Variants in NNT observed in about 807,000 individuals in gnomAD.
NNT encodes the protein NAD(P) transhydrogenase, mitochondrial.
In NNT, 50 loss-of-function variants were observed where a neutral mutation model predicts 104.8. The observed-to-expected ratio is 0.48, with a 90% confidence interval of 0.38 to 0.60. The LOEUF (loss-of-function observed/expected upper bound fraction) is 0.60. Ranked by LOEUF, NNT falls within the 20% of genes least tolerant of loss-of-function variation. NNT has a pLI of 0.00. For synonymous variants in NNT, 461 were observed against 490.4 expected, an observed-to-expected ratio of 0.94 and a Z score of 0.79; for missense variants, 1,131 against 1,330.7, an observed-to-expected ratio of 0.85 and a Z score of 2.33.
rs776843409 is a variant in NNT, at chr5:43,628,196, C to G, written c.777-4C>G. 2 of 1,603,682 alleles carry G rather than the reference C, an allele frequency of 1.2e-6. No individual in the cohort carries two copies. ...TACTCTTTCCACTTTAACAATCACC[C>G]TAGAGCTGCAGCTTTGGAACAGTTC... is the stretch of plus-strand genomic sequence containing the variant. On this transcript the variant is annotated splice_polypyrimidine_tract_variant and splice_region_variant and intron_variant, in intron 6 of 21. Coordinates refer to ENST00000344920, the MANE Select transcript of NNT (RefSeq NM_182977.3).
At position 43,704,467 on chromosome 5, in the gene NNT, A is replaced by C. The variant is rs1288920472; in HGVS notation, c.*63A>C. On this transcript the variant is annotated 3_prime_UTR_variant, in exon 22 of 22. Transcript: ENST00000344920. ...CTGCAGTTTTGGGAACAGGCAAATA[A>C]AGTATCAGTATACATGGTGATGTAC... The C allele has an allele frequency of 1.9e-6, 3 of 1,542,956 alleles. No homozygotes were observed. The African/African-American group carries it at 4.1e-5, about 21-fold the overall frequency.
chr5:43,603,803 G>A (rs1207731077), intron 1 of NNT, among the ~76,000 whole-genome samples: 3 of 152,078 alleles, frequency 2.0e-5, no homozygotes, highest in African/African-American at 7.2e-5. Flanking sequence ...AGGGTGTCCG[G>A]CTGGGGACAT....
rs61079918 is a variant in NNT, at chr5:43,694,738, TTGTGTGTGTG to T, written c.2877-5347_2877-5338del. Among the ~76,000 whole-genome samples, 70 of 137,908 alleles carry T rather than the reference TTGTGTGTGTG, an allele frequency of 5.1e-4. 1 individual carries two copies. The highest frequency in any genetic ancestry group is 7.1e-3 in the Middle Eastern group (2 of 280). The allele number at this position is 137,908 out of a possible 152,430, so 90.5% of individuals were successfully genotyped here. A position where few individuals can be genotyped will look rare whatever the true frequency, so the allele number is the denominator to read the frequency against. ...TTCATCAAGGATATTGGCCTAAAGT[TTGTGTGTGTG>T]TGTGTGTGTGTGTGTGTGTGTGTGT... On this transcript the variant is annotated intron_variant, in intron 19 of 21. Transcript: ENST00000344920.
Position 43,649,190 on chromosome 5 carries a change from A to G in NNT, c.1488A>G (p.Leu496=). The G allele has an allele frequency of 6.2e-7, 1 of 1,614,178 alleles. No individual in the cohort carries two copies. The highest frequency in any genetic ancestry group is 8.5e-7 in the Non-Finnish European group (1 of 1,180,024). Residue 496 remains leucine, a synonymous_variant, in exon 11 of 22, where the codon CTA becomes CTG. Coordinates refer to ENST00000344920, the MANE Select transcript of NNT (RefSeq NM_182977.3). ...GTTTGGGCATTGCGGCTCCCAATCT[A>G]GCCTTTTCTCAGATGGTGACCACTT... is the stretch of plus-strand genomic sequence containing the variant. ...ILGLGIAAPN[L]AFSQMVTTFG...
intron 17 of NNT, among the ~76,000 whole-genome samples, chr5:43,672,267 G>A (rs1420141614): frequency 6.6e-6 from 1 of 152,200 alleles, no homozygotes; most frequent in Non-Finnish European, 1.5e-5. Flanking sequence ...ATCGTCTGAA[G>A]CCTTCTTCTC....
At chr5:43,657,333 C>T (rs995040764) in intron 16 of NNT, among the ~76,000 whole-genome samples, 1 of 152,154 alleles carries the variant, frequency 6.6e-6, no homozygotes, top group South Asian at 2.1e-4. Flanking sequence ...TGGCTTTCTT[C>T]TTTCTCTGCA....
At chr5:43,662,245 TTAGTTA>T (rs1251790140) in intron 17 of NNT, among the ~76,000 whole-genome samples, 1 of 152,230 alleles carries the variant, frequency 6.6e-6, no homozygotes, top group Non-Finnish European at 1.5e-5. Flanking sequence ...TTTATTATTA[TTAGTTA>T]TAGCAACCAT....
intron 19 of NNT, among the ~76,000 whole-genome samples, chr5:43,680,118 C>T (rs13173498): frequency 0.034 from 5,131 of 151,920 alleles, 133 homozygotes; most frequent in East Asian, 0.12. Context: ...ATTATGACAG[C>T]AGATCATCAT....
intron 17 of NNT, among the ~76,000 whole-genome samples, chr5:43,671,930 G>A (rs1284062400): frequency 2.0e-5 from 3 of 152,134 alleles, no homozygotes; most frequent in Non-Finnish European, 2.9e-5. Flanking sequence ...CCAATGAGAC[G>A]TAGATTTGGT....
At chr5:43,628,866 C>T (rs931870464) in intron 7 of NNT, among the ~76,000 whole-genome samples, 3 of 152,004 alleles carry the variant, frequency 2.0e-5, no homozygotes, top group Non-Finnish European at 2.9e-5. Context: ...GGATTACAGG[C>T]GTGAGTTACC....
intron 7 of NNT, among the ~76,000 whole-genome samples, chr5:43,629,600 A>G (rs529230273): frequency 6.6e-6 from 1 of 152,330 alleles, no homozygotes; most frequent in Admixed American, 6.5e-5. Context: ...CTAGCAGTGT[A>G]AAAGTGTTCC....
chr5:43,637,247 A>G (rs1750978270), intron 7 of NNT, among the ~76,000 whole-genome samples: 1 of 152,164 alleles, frequency 6.6e-6, no homozygotes, highest in African/African-American at 2.4e-5. Context: ...GAGACTCATT[A>G]GATAATGGAT....
At chr5:43,651,604 T>C (rs1739770327) in intron 12 of NNT, 135 bp from the exon 13 acceptor site, 2 of 988,396 alleles carry the variant, frequency 2.0e-6, no homozygotes, top group Non-Finnish European at 1.5e-6. Flanking sequence ...GGTTGCAAAA[T>C]GTTACTTTAA....
chr5:43,682,208 C>CT (rs71610326), intron 19 of NNT, among the ~76,000 whole-genome samples: 2,076 of 100,240 alleles, frequency 0.021, 25 homozygotes, highest in Middle Eastern at 0.036. Context: ...TAACTGGATT[C>CT]TTTTTTTTTT....
chr5:43,608,565 G>A (rs1749342911), intron 1 of NNT, among the ~76,000 whole-genome samples: 1 of 152,136 alleles, frequency 6.6e-6, no homozygotes, highest in East Asian at 1.9e-4. Flanking sequence ...CTTGAGAGGT[G>A]CACTTGGCAA....
chr5:43,675,178 T>A (rs2112094023), intron 17 of NNT, among the ~76,000 whole-genome samples: 1 of 152,346 alleles, frequency 6.6e-6, no homozygotes, highest in Admixed American at 6.5e-5. Flanking sequence ...AATTGTTCAA[T>A]CAGCATTCAG....
chr5:43,651,990 T>C, intron 13 of NNT, 106 bp downstream of exon 13: 1 of 1,220,468 alleles, frequency 8.2e-7, no homozygotes, highest in Non-Finnish European at 1.2e-6. Flanking sequence ...AATACAACTC[T>C]GTCAAGCAAA....
rs183523473 is a variant in NNT, at chr5:43,615,494, A to G, written c.382-354A>G. Among the ~76,000 whole-genome samples the G allele has an allele frequency of 5.3e-4, 80 of 152,350 alleles. No individual in the cohort carries two copies. The East Asian group carries it at 8.5e-3, about 16-fold the overall frequency. ...CAAAACTTCCTGTCTGTTTATTCTAATATCTGTTAATTTTACCAGGGTAAT... is the reference window on the plus strand; with the variant it reads ...CAAAACTTCCTGTCTGTTTATTCTAGTATCTGTTAATTTTACCAGGGTAAT... On this transcript the variant is annotated intron_variant, in intron 3 of 21. Transcript: ENST00000344920.
intron 19 of NNT, among the ~76,000 whole-genome samples, chr5:43,695,211 T>C (rs1561330285): frequency 6.6e-6 from 1 of 152,246 alleles, no homozygotes; most frequent in Non-Finnish European, 1.5e-5. Flanking sequence ...TTCTCACTTG[T>C]CTGGGCAAAA....
Sources: allele counts gnomAD v4.1 joint callset (sites outside exome capture counted in the v4.1 genomes callset), GRCh38; gene constraint gnomAD v4.1.1; transcripts MANE v1.5; gene names NCBI Gene and HGNC (gene_info 2026-07-23, HGNC 2026-07-21).